VAV2: variants seen among roughly 807,000 people sequenced by gnomAD.
The protein encoded by VAV2 is vav guanine nucleotide exchange factor 2, also known as guanine nucleotide exchange factor VAV2.
A neutral mutation model predicts 132.5 loss-of-function variants in VAV2; 67 were observed. The observed-to-expected ratio is 0.51, with a 90% CI of 0.42 to 0.62. The LOEUF (loss-of-function observed/expected upper bound fraction) is 0.62. Ranked by LOEUF, VAV2 falls within the 20% of genes least tolerant of loss-of-function variation. VAV2 has a pLI of 0.00. For missense variants in VAV2, 938 were observed against 1,153.6 expected (o/e 0.81, Z 2.71); for synonymous variants, 492 against 443.5 (o/e 1.11, Z -1.37).
chr9:133,940,239 T>C (rs532423476), intron 1 of VAV2, among the ~76,000 whole-genome samples: 12 of 152,194 alleles, frequency 7.9e-5, no homozygotes, highest in Non-Finnish European at 1.6e-4. Context: ...GTGGGAGCCA[T>C]CAGCCCCCCA....
At chr9:133,874,661 C>T (rs999835183) in intron 2 of VAV2, among the ~76,000 whole-genome samples, 1 of 152,146 alleles carries the variant, frequency 6.6e-6, no homozygotes, top group Non-Finnish European at 1.5e-5. Flanking sequence ...CACACCACCC[C>T]ACTCTCTACA....
At chr9:133,930,146 G>A (rs1415138521) in intron 2 of VAV2, among the ~76,000 whole-genome samples, 2 of 152,146 alleles carry the variant, frequency 1.3e-5, no homozygotes, top group African/African-American at 2.4e-5. Context: ...GCTGGTCAGC[G>A]CCCTCCCCTC....
At chr9:133,810,008 G>A (rs1032483032) in intron 6 of VAV2, among the ~76,000 whole-genome samples, 183 bp downstream of exon 6, 10 of 152,162 alleles carry the variant, frequency 6.6e-5, no homozygotes, top group Admixed American at 1.3e-4. Context: ...CGTGCAAGAT[G>A]GGGCTGTGGG....
chr9:133,772,097 C>G, intron 25 of VAV2, 51 bp from the exon 26 acceptor site: 1 of 1,510,730 alleles, frequency 6.6e-7, no homozygotes, highest in Non-Finnish European at 9.2e-7. Flanking sequence ...CACACGGCCC[C>G]GGCCCCCTTG....
At chr9:133,780,750 CG>C in intron 19 of VAV2, 40 bp from the exon 20 acceptor site, 1 of 1,262,182 alleles carries the variant, frequency 7.9e-7, no homozygotes, top group Non-Finnish European at 1.0e-6. Flanking sequence ...GGGAGGCCAC[CG>C]ACGCCAAGGC....
chr9:133,970,168 C>T (rs951619839), intron 1 of VAV2, among the ~76,000 whole-genome samples: 1 of 152,184 alleles, frequency 6.6e-6, no homozygotes, highest in Non-Finnish European at 1.5e-5. Flanking sequence ...GACCGAGTCT[C>T]AACCATCTCT....
At chr9:133,966,318 GCAAA>G (rs1842138927) in intron 1 of VAV2, among the ~76,000 whole-genome samples, 1 of 152,204 alleles carries the variant, frequency 6.6e-6, no homozygotes, top group African/African-American at 2.4e-5. Flanking sequence ...ACACAGCAAA[GCAAA>G]CAATCAACAG....
chr9:133,775,100 C>A, intron 24 of VAV2, 49 bp from the exon 25 acceptor site: 1 of 1,518,566 alleles, frequency 6.6e-7, no homozygotes, highest in Non-Finnish European at 8.9e-7. Context: ...AGGACAGTGT[C>A]TGAGGGGTGC....
chr9:133,777,630 G>A (rs1833862742), intron 22 of VAV2, among the ~76,000 whole-genome samples, 167 bp from the exon 23 acceptor site: 1 of 152,118 alleles, frequency 6.6e-6, no homozygotes, highest in Non-Finnish European at 1.5e-5. Flanking sequence ...AGGGCAGGGA[G>A]GTGCAGGGCC....
intron 4 of VAV2, among the ~76,000 whole-genome samples, chr9:133,829,162 A>G (rs117285631): frequency 4.0e-4 from 61 of 152,386 alleles, no homozygotes; most frequent in Non-Finnish European, 7.3e-4. Context: ...AGGAAAAGCC[A>G]TTATGCAAAT....
chr9:133,783,375 G>A, intron 19 of VAV2, 128 bp downstream of exon 19: 1 of 835,382 alleles, frequency 1.2e-6, no homozygotes, highest in South Asian at 1.5e-5. Context: ...GGGCACGTGA[G>A]CACTGGTGCC....
At chr9:133,953,585 C>G (rs567009078) in intron 1 of VAV2, among the ~76,000 whole-genome samples, 1 of 152,262 alleles carries the variant, frequency 6.6e-6, no homozygotes, top group African/African-American at 2.4e-5. Context: ...CCCAGAGGGA[C>G]CCTGGCAGGG....
At position 133,788,243 on chromosome 9, in the gene VAV2, CAG is replaced by C; in HGVS notation, c.1407+109_1407+110del. The C allele has an allele frequency of 5.3e-6, 7 of 1,310,458 alleles. No individual in the cohort carries two copies. Among genetic ancestry groups the C allele is most frequent in the South Asian group, 1.3e-5 (1 of 74,392 alleles). The allele number at this position is 1,310,458 out of a possible 1,614,324, so 81.2% of individuals were successfully genotyped here. A position where few individuals can be genotyped will look rare whatever the true frequency, so the allele number is the denominator to read the frequency against. ...AGACGCCCACCCCAACCCACCCGGC[CAG>C]CATCAGCGGCTGACTTCGAGTCCCC... On this transcript the variant is annotated intron_variant, in intron 15 of 29. Transcript: ENST00000371850. The surrounding 1 kb of genome is among the most constrained non-coding windows in gnomAD (Gnocchi z 5.3).
At chr9:133,900,239 C>T (rs1839389242) in intron 2 of VAV2, among the ~76,000 whole-genome samples, 1 of 151,862 alleles carries the variant, frequency 6.6e-6, no homozygotes, top group Non-Finnish European at 1.5e-5. Flanking sequence ...AAAGTAAAAC[C>T]ATGGACCCAT....
At chr9:133,858,179 T>A (rs1302183649) in intron 3 of VAV2, among the ~76,000 whole-genome samples, 1 of 152,204 alleles carries the variant, frequency 6.6e-6, no homozygotes, top group Non-Finnish European at 1.5e-5. Flanking sequence ...TTTGTATACC[T>A]GAGGCGTTGG....
intron 2 of VAV2, among the ~76,000 whole-genome samples, chr9:133,930,784 G>A (rs999298351): frequency 1.3e-5 from 2 of 152,192 alleles, no homozygotes; most frequent in African/African-American, 4.8e-5. Context: ...GGGGCAGCAG[G>A]AGAGGCCGGC....
chr9:133,871,546 T>C (rs1838056886), intron 2 of VAV2, among the ~76,000 whole-genome samples: 1 of 151,732 alleles, frequency 6.6e-6, no homozygotes, highest in South Asian at 2.1e-4. Flanking sequence ...CTCAGAGAGA[T>C]CCCTTTGCCC....
At chr9:133,916,844 C>A (rs113968522) in intron 2 of VAV2, among the ~76,000 whole-genome samples, 4,687 of 152,194 alleles carry the variant, frequency 0.031, 223 homozygotes, top group African/African-American at 0.11. Context: ...GCTGGCATGG[C>A]AGAGTTGAAG....
At chr9:133,940,610 G>C (rs953134890) in intron 1 of VAV2, among the ~76,000 whole-genome samples, 2 of 151,912 alleles carry the variant, frequency 1.3e-5, no homozygotes, top group African/African-American at 4.8e-5. Flanking sequence ...GGCAGGGGTC[G>C]GCTGCTGTTC....
Sources: gnomAD v4.1 joint callset for allele counts (sites outside exome capture counted in the v4.1 genomes callset) on GRCh38, gnomAD v4.1.1 for gene constraint, Gnocchi (gnomAD v3.1) non-coding constraint, MANE v1.5 for transcripts, NCBI Gene and HGNC (gene_info 2026-07-23, HGNC 2026-07-21) for gene names.